Variants in KIRREL1 observed in about 807,000 individuals in gnomAD.
KIRREL1 encodes the protein kirre like nephrin family adhesion molecule 1.
Under a neutral mutation model 83.3 loss-of-function variants are expected in KIRREL1, and 25 were observed. That is an observed-to-expected ratio of 0.30 (90% CI 0.22 to 0.42). The LOEUF (loss-of-function observed/expected upper bound fraction) is 0.42, where lower values mean the gene tolerates loss of function less well. Ranked by LOEUF, KIRREL1 falls within the 10% of genes least tolerant of loss-of-function variation. The pLI is 1.00. For missense variants in KIRREL1, 812 were observed against 1,032.3 expected (o/e 0.79, Z 2.92); for synonymous variants, 388 against 410.4 (o/e 0.95, Z 0.66).
intron 1 of KIRREL1, among the ~76,000 whole-genome samples, chr1:158,048,674 T>C (rs962293859): frequency 2.0e-5 from 3 of 152,144 alleles, no homozygotes; most frequent in Non-Finnish European, 2.9e-5. Flanking sequence ...CATACAAAAA[T>C]AGCATAAAAC....
chr1:158,068,431 A>G (rs1367303535), intron 1 of KIRREL1, among the ~76,000 whole-genome samples: 4 of 152,166 alleles, frequency 2.6e-5, no homozygotes, highest in African/African-American at 7.2e-5. Flanking sequence ...AAAATTTGAC[A>G]TTTTAGGATT....
At chr1:158,053,429 G>A (rs1245427307) in intron 1 of KIRREL1, among the ~76,000 whole-genome samples, 1 of 152,144 alleles carries the variant, frequency 6.6e-6, no homozygotes, top group Non-Finnish European at 1.5e-5. Flanking sequence ...TATTTAAGGG[G>A]ATTATCACTT....
At chr1:158,068,075 G>C (rs542564211) in intron 1 of KIRREL1, among the ~76,000 whole-genome samples, 1 of 152,300 alleles carries the variant, frequency 6.6e-6, no homozygotes, top group South Asian at 2.1e-4. Flanking sequence ...TGGCTTCCTG[G>C]GATGAGAAAG....
chr1:158,059,231 C>T (rs7552600), intron 1 of KIRREL1, among the ~76,000 whole-genome samples: 5 of 152,002 alleles, frequency 3.3e-5, no homozygotes, highest in African/African-American at 1.2e-4. Context: ...TCTGCAGGAA[C>T]GTGCCTCTTC....
At chr1:158,050,134 A>G (rs1660874278) in intron 1 of KIRREL1, among the ~76,000 whole-genome samples, 1 of 152,040 alleles carries the variant, frequency 6.6e-6, no homozygotes, top group Non-Finnish European at 1.5e-5. Flanking sequence ...GTGGTTAGAG[A>G]TTATCTACAA....
At position 158,096,561 on chromosome 1, in the gene KIRREL1, A is replaced by C. The variant is rs1662359887; in HGVS notation, c.*1441A>C. ...GGACCTGGAGAGGTAAGGGGCCTGG[A>C]AATGGCCCTGACAGAGAACTTGTGC... On this transcript the variant is annotated 3_prime_UTR_variant, in exon 15 of 15. Coordinates refer to ENST00000359209, the MANE Select transcript of KIRREL1 (RefSeq NM_018240.7). 2.2e-6 allele frequency: 1 copy of C among 456,894 alleles called. No individual in the cohort carries two copies. The highest frequency in any genetic ancestry group is 4.4e-6 in the Non-Finnish European group (1 of 227,042). 28.3% of individuals were successfully genotyped at this position (456,894 alleles called of 1,614,324 possible). A position where few individuals can be genotyped will look rare whatever the true frequency, so the allele number is the denominator to read the frequency against.
At chr1:157,993,806 T>C in intron 1 of KIRREL1, 78 bp downstream of exon 1, 5 of 976,500 alleles carry the variant, frequency 5.1e-6, no homozygotes, top group Non-Finnish European at 5.7e-6. Context: ...GGGAGAGTGC[T>C]GGAGTGCCCC....
rs767570355 is a variant in KIRREL1 at position 157,993,773 on chromosome 1, G to T, written c.52+45G>T. 5.7e-4 allele frequency: 766 copies of T among 1,340,250 alleles called. 2 individuals are homozygous for T. Among genetic ancestry groups the T allele is most frequent in the Non-Finnish European group, 7.1e-4 (710 of 999,036 alleles). The allele number at this position is 1,340,250 out of a possible 1,614,324, so 83.0% of individuals were successfully genotyped here. On this transcript the variant is annotated intron_variant, in intron 1 of 14. Transcript: ENST00000359209. ...CCCCGGACGCTCGGCTTCCCCCCGG[G>T]GCCGGGGCACTGCTTCCCCGGTGGG...
At chr1:158,041,993 C>A (rs1314302615) in intron 1 of KIRREL1, among the ~76,000 whole-genome samples, 1 of 152,092 alleles carries the variant, frequency 6.6e-6, no homozygotes, top group Non-Finnish European at 1.5e-5. Context: ...AGTTCAAGGG[C>A]CTTCACAGGA....
At chr1:158,029,212 T>C (rs1660250162) in intron 1 of KIRREL1, among the ~76,000 whole-genome samples, 1 of 2,578 alleles carries the variant, frequency 3.9e-4, no homozygotes, top group African/African-American at 4.4e-4. Flanking sequence ...GGTAAGCGCA[T>C]TCAGGCATAA....
intron 1 of KIRREL1, among the ~76,000 whole-genome samples, chr1:158,068,440 T>G (rs1432574682): frequency 1.3e-5 from 2 of 152,164 alleles, no homozygotes; most frequent in African/African-American, 2.4e-5. Context: ...CATTTTAGGA[T>G]TCTAGGCTGG....
chr1:158,027,831 T>A (rs777537146), intron 1 of KIRREL1, among the ~76,000 whole-genome samples: 43 of 152,268 alleles, frequency 2.8e-4, no homozygotes, highest in Non-Finnish European at 5.0e-4. Flanking sequence ...GTGAGTAGCA[T>A]AGCCAGGAAG....
intron 1 of KIRREL1, among the ~76,000 whole-genome samples, chr1:158,050,575 C>A (rs1660886844): frequency 6.6e-6 from 1 of 152,118 alleles, no homozygotes; most frequent in African/African-American, 2.4e-5. Flanking sequence ...AAGCCAGAAG[C>A]CACTTGTTTA....
intron 1 of KIRREL1, among the ~76,000 whole-genome samples, chr1:158,064,049 G>GA (rs1661297391): frequency 6.6e-6 from 1 of 152,228 alleles, no homozygotes; most frequent in Admixed American, 6.5e-5. Flanking sequence ...TCTCTGGAGG[G>GA]TGGTGTTTTA....
At chr1:157,995,069 C>G (rs986032548) in intron 1 of KIRREL1, among the ~76,000 whole-genome samples, 1 of 152,202 alleles carries the variant, frequency 6.6e-6, no homozygotes, top group African/African-American at 2.4e-5. Flanking sequence ...GAGGTGTCCT[C>G]TTTTAGGGGG....
intron 1 of KIRREL1, among the ~76,000 whole-genome samples, chr1:158,055,843 A>G (rs1174909180): frequency 6.6e-6 from 1 of 152,190 alleles, no homozygotes; most frequent in Non-Finnish European, 1.5e-5. Context: ...TGCACTGCCA[A>G]TGGAGCATAA....
chr1:158,038,005 C>T (rs1012499408), intron 1 of KIRREL1, among the ~76,000 whole-genome samples: 1 of 152,216 alleles, frequency 6.6e-6, no homozygotes, highest in Non-Finnish European at 1.5e-5. Flanking sequence ...GGGGCAGGAC[C>T]AGCCTGCCAG....
chr1:158,077,378 A>G (rs1054341312), intron 2 of KIRREL1, among the ~76,000 whole-genome samples: 1 of 152,112 alleles, frequency 6.6e-6, no homozygotes, highest in African/African-American at 2.4e-5. Context: ...GAAGGAGCTG[A>G]TGGTGGGAAT....
At chr1:158,092,530 G>T (rs1662232042) in intron 11 of KIRREL1, among the ~76,000 whole-genome samples, 1 of 151,966 alleles carries the variant, frequency 6.6e-6, no homozygotes, top group South Asian at 2.1e-4. Context: ...TGTATTTTTA[G>T]TGGAGACGGG....
Sources: allele counts gnomAD v4.1 joint callset (sites outside exome capture counted in the v4.1 genomes callset), GRCh38; gene constraint gnomAD v4.1.1; transcripts MANE v1.5; gene names NCBI Gene and HGNC (gene_info 2026-07-23, HGNC 2026-07-21).